Variants in ECHDC3 observed in about 807,000 individuals in gnomAD.
ECHDC3 encodes the protein enoyl-CoA hydratase domain containing 3, also known as enoyl-CoA hydratase domain-containing protein 3, mitochondrial.
ECHDC3 carries 20 observed loss-of-function variants against 17.9 expected under a neutral mutation model. The observed-to-expected ratio is 1.12, with a 90% CI of 0.79 to 1.63. The LOEUF (loss-of-function observed/expected upper bound fraction) is 1.63. Among genes scored for constraint, ECHDC3 ranks in the 40% most tolerant of loss-of-function variants. The probability of loss-of-function intolerance (pLI) is 0.00; values close to 1 mark genes in which losing one functional copy is unlikely to be tolerated. For synonymous variants in ECHDC3, 177 were observed against 149.7 expected (o/e 1.18, Z -1.33); for missense variants, 407 against 357.7 (o/e 1.14, Z -1.11).
intron 3 of ECHDC3, among the ~76,000 whole-genome samples, chr10:11,750,388 C>T (rs939647868): frequency 6.6e-6 from 1 of 152,210 alleles, no homozygotes. Context: ...TTGAATGCTT[C>T]TTTCAACCAG....
At chr10:11,746,286 C>G (rs2133786632) in intron 1 of ECHDC3, among the ~76,000 whole-genome samples, 1 of 139,754 alleles carries the variant, frequency 7.2e-6, no homozygotes, top group South Asian at 2.2e-4. Flanking sequence ...TGAGATCATG[C>G]CAATGCACTC....
intron 3 of ECHDC3, among the ~76,000 whole-genome samples, chr10:11,753,842 T>G (rs1355863283): frequency 1.3e-5 from 2 of 152,156 alleles, no homozygotes; most frequent in Non-Finnish European, 2.9e-5. Flanking sequence ...TGGCGCGATC[T>G]CAGCTCACCA....
At chr10:11,758,951 C>T (rs1260644442) in intron 4 of ECHDC3, among the ~76,000 whole-genome samples, 1 of 152,222 alleles carries the variant, frequency 6.6e-6, no homozygotes, top group Non-Finnish European at 1.5e-5. Flanking sequence ...TCCCCAAATT[C>T]CTGTGTTGAA....
chr10:11,758,513 G>A (rs533698556), intron 4 of ECHDC3, among the ~76,000 whole-genome samples: 1 of 152,356 alleles, frequency 6.6e-6, no homozygotes, highest in South Asian at 2.1e-4. Flanking sequence ...GCTCAAACTG[G>A]TGCAGATGTT....
At chr10:11,762,454 G>T (rs1439985649) in intron 4 of ECHDC3, among the ~76,000 whole-genome samples, 2 of 152,250 alleles carry the variant, frequency 1.3e-5, no homozygotes, top group Non-Finnish European at 2.9e-5. Flanking sequence ...GCCCCTGCCT[G>T]TGTGTCCTTG....
rs1588467269 is a variant in ECHDC3 at position 11,763,833 on chromosome 10, A to C, written c.*289A>C. On this transcript the variant is annotated 3_prime_UTR_variant, in exon 5 of 5. Coordinates refer to ENST00000379215, the MANE Select transcript of ECHDC3 (RefSeq NM_024693.5). The surrounding 1 kb of genome is among the most constrained non-coding windows in gnomAD (Gnocchi z 4.9). ...CTCCTTGCAACGTCTTAAGCAAGCGACCCCCCGACATAGCAAAAGGTGGCA... is the reference window on the plus strand; with the variant it reads ...CTCCTTGCAACGTCTTAAGCAAGCGCCCCCCCGACATAGCAAAAGGTGGCA... 2.9e-6 allele frequency: 3 copies of C among 1,018,182 alleles called. No individual in the cohort carries two copies. Among genetic ancestry groups the C allele is most frequent in the Admixed American group, 1.3e-4 (1 of 7,594 alleles). 63.1% of individuals were successfully genotyped at this position (1,018,182 alleles called of 1,614,324 possible). A position where few individuals can be genotyped will look rare whatever the true frequency, so the allele number is the denominator to read the frequency against.
intron 3 of ECHDC3, chr10:11,752,285 T>TTTTC (rs1252749528): frequency 6.9e-6 from 1 of 145,116 alleles, no homozygotes; most frequent in African/African-American, 2.5e-5. Context: ...TTAATTTTTT[T>TTTTC]TTTTTTTTTT....
In ECHDC3 at chr10:11,742,850, C is replaced by A. The variant is rs1225786411; in HGVS notation, c.170+104C>A. On this transcript the variant is annotated intron_variant, in intron 1 of 4. Transcript: ENST00000379215. ...CGGGGAACCGGAGCCCCGTTTACGC[C>A]CCTGGGGAGGGAACTCCCCGTGTCC... 7 of 1,176,918 alleles carry A rather than the reference C, an allele frequency of 5.9e-6. No homozygotes were observed. The African/African-American group carries it at 9.6e-5, about 16-fold the overall frequency. The allele number at this position is 1,176,918 out of a possible 1,614,324, so 72.9% of individuals were successfully genotyped here.
chr10:11,761,541 C>T (rs544490488), intron 4 of ECHDC3, among the ~76,000 whole-genome samples: 2 of 152,228 alleles, frequency 1.3e-5, no homozygotes, highest in Middle Eastern at 3.2e-3. Context: ...CAGGGCTTAG[C>T]GAGGAAGGCT....
Position 11,755,563 on chromosome 10 carries a change from C to T in ECHDC3, c.546C>T (p.Phe182=). The T allele has an allele frequency of 6.2e-7, 1 of 1,614,050 alleles. No individual in the cohort carries two copies. Among genetic ancestry groups the T allele is most frequent in the South Asian group, 1.1e-5 (1 of 91,048 alleles). ...FATPGVNVGL[F]CSTPGVALAR... ...CTCCTGGGGTGAACGTCGGGCTCTTCTGTTCTACCCCTGGGGTTGCCTTGG... is the reference window on the plus strand; with the variant it reads ...CTCCTGGGGTGAACGTCGGGCTCTTTTGTTCTACCCCTGGGGTTGCCTTGG... The change falls in exon 4 of 5, where the codon TTC becomes TTT. Residue 182 remains phenylalanine (F), a synonymous_variant. Coordinates refer to ENST00000379215, the MANE Select transcript of ECHDC3 (RefSeq NM_024693.5).
At chr10:11,759,646 T>C (rs920351937) in intron 4 of ECHDC3, among the ~76,000 whole-genome samples, 1 of 152,212 alleles carries the variant, frequency 6.6e-6, no homozygotes, top group Non-Finnish European at 1.5e-5. Flanking sequence ...GAGAGTCCCT[T>C]GTGGGCTGTA....
intron 4 of ECHDC3, among the ~76,000 whole-genome samples, chr10:11,761,968 C>G (rs753141685): frequency 5.3e-5 from 8 of 151,972 alleles, no homozygotes; most frequent in Non-Finnish European, 8.8e-5. Flanking sequence ...CATGGTGGCT[C>G]ACACCTGTAA....
rs571453844 is a variant in ECHDC3 at position 11,759,369 on chromosome 10, AAC to A, written c.591+3763_591+3764del. Among the ~76,000 whole-genome samples, 97 of 63,668 alleles carry A rather than the reference AAC, an allele frequency of 1.5e-3. 1 individual carries two copies. The highest frequency in any genetic ancestry group is 3.5e-3 in the East Asian group (9 of 2,576). The allele number at this position is 63,668 out of a possible 152,430, so 41.8% of individuals were successfully genotyped here. A position where few individuals can be genotyped will look rare whatever the true frequency, so the allele number is the denominator to read the frequency against. On this transcript the variant is annotated intron_variant, in intron 4 of 4. Transcript: ENST00000379215. ...AACTCCATCTCTTAAAAAAAAAAAA[AAC>A]AAAAAAAAAAAACACGCAGTCCCAG... is the stretch of plus-strand genomic sequence containing the variant.
chr10:11,754,037 CT>C lies in ECHDC3; in HGVS notation c.391-1369del, dbSNP rs542053307. On this transcript the variant is annotated intron_variant, in intron 3 of 4. Coordinates refer to ENST00000379215, the MANE Select transcript of ECHDC3 (RefSeq NM_024693.5). ...CTCAGATGATCCACCCACCTGTGTTCTTCTGAGGAGGATGTATTTCCTCATT... is the reference window on the plus strand; with the variant it reads ...CTCAGATGATCCACCCACCTGTGTTCTCTGAGGAGGATGTATTTCCTCATT... 9.9e-5 allele frequency among the ~76,000 whole-genome samples: 15 copies of C among 152,106 alleles called. 1 individual carries two copies. In the South Asian group the frequency reaches 2.9e-3, roughly 30 times the overall value.
At chr10:11,751,663 C>A (rs572792763) in intron 3 of ECHDC3, among the ~76,000 whole-genome samples, 3 of 152,082 alleles carry the variant, frequency 2.0e-5, no homozygotes, top group Non-Finnish European at 2.9e-5. Context: ...ATATACAAAC[C>A]AGGAGTAGGG....
At chr10:11,747,069 G>A (rs1226466314) in intron 1 of ECHDC3, among the ~76,000 whole-genome samples, 3 of 152,176 alleles carry the variant, frequency 2.0e-5, no homozygotes, top group Admixed American at 6.5e-5. Context: ...TGCCCTCTCC[G>A]TGGAGGTGGC....
Position 11,760,253 on chromosome 10 carries a change from G to A in ECHDC3, c.592-2971G>A, listed in dbSNP as rs114540939. The stretch of plus-strand genomic sequence containing the variant: ...GGAAGTGAGAGGTGAGAAATGGCTT[G>A]CTCAGAGGTCCCAGGAGGACCAGTG... On this transcript the variant is annotated intron_variant, in intron 4 of 4. Coordinates refer to ENST00000379215, the MANE Select transcript of ECHDC3 (RefSeq NM_024693.5). Among the ~76,000 whole-genome samples the A allele has an allele frequency of 3.3e-3, 498 of 152,314 alleles. 1 individual carries two copies. The highest frequency in any genetic ancestry group is 0.011 in the African/African-American group (473 of 41,550).
intron 4 of ECHDC3, among the ~76,000 whole-genome samples, chr10:11,755,905 T>G (rs185987949): frequency 6.6e-6 from 1 of 152,398 alleles, no homozygotes; most frequent in Non-Finnish European, 1.5e-5. Flanking sequence ...TAGTTTTGTT[T>G]GTCTTCCTAA....
At chr10:11,744,507 T>C (rs1832740242) in intron 1 of ECHDC3, among the ~76,000 whole-genome samples, 2 of 152,186 alleles carry the variant, frequency 1.3e-5, no homozygotes, top group African/African-American at 4.8e-5. Context: ...TTCAGACAGC[T>C]CATGGGGGCA....
Sources: allele counts gnomAD v4.1 joint callset (sites outside exome capture counted in the v4.1 genomes callset), GRCh38; gene constraint gnomAD v4.1.1; non-coding constraint Gnocchi (gnomAD v3.1); transcripts MANE v1.5; gene names NCBI Gene and HGNC (gene_info 2026-07-23, HGNC 2026-07-21).